The following PKNOX2 variants were observed in gnomAD, a reference collection of about 807,000 sequenced individuals.
PKNOX2 encodes the protein homeobox protein PKNOX2.
PKNOX2 carries 14 observed loss-of-function variants against 53.1 expected under a neutral mutation model. The ratio of observed to expected loss-of-function variants is 0.26; its 90% CI spans 0.17 to 0.41. The LOEUF (loss-of-function observed/expected upper bound fraction) is 0.41, where lower values mean the gene tolerates loss of function less well. Ranked by LOEUF, PKNOX2 falls within the 10% of genes least tolerant of loss-of-function variation. PKNOX2 has a pLI of 1.00. For synonymous variants in PKNOX2, 257 were observed against 242.8 expected (o/e 1.06, Z -0.54); for missense variants, 496 against 602.8 (o/e 0.82, Z 1.85).
chr11:125,333,510 CT>C (rs1372212919), intron 3 of PKNOX2, among the ~76,000 whole-genome samples: 1 of 151,808 alleles, frequency 6.6e-6, no homozygotes, highest in Admixed American at 6.6e-5. Context: ...AATATCACCC[CT>C]GACCTTTGCC....
intron 5 of PKNOX2, among the ~76,000 whole-genome samples, chr11:125,381,808 C>G (rs1316637325): frequency 6.6e-6 from 1 of 152,242 alleles, no homozygotes; most frequent in African/African-American, 2.4e-5. Context: ...TCATTCCTGT[C>G]TCAAATGCTT....
chr11:125,189,445 GTGTATA>G (rs1306758620), intron 1 of PKNOX2, among the ~76,000 whole-genome samples: 59 of 50,564 alleles, frequency 1.2e-3, no homozygotes, highest in South Asian at 3.5e-3. Context: ...GTGTGTGTGT[GTGTATA>G]TATATATATA....
At chr11:125,382,149 T>G (rs1294118736) in intron 5 of PKNOX2, among the ~76,000 whole-genome samples, 1 of 152,246 alleles carries the variant, frequency 6.6e-6, no homozygotes, top group Non-Finnish European at 1.5e-5. Context: ...ATGCACACTG[T>G]GCTCACAGCA....
At chr11:125,397,538 A>C (rs1015669848) in intron 6 of PKNOX2, among the ~76,000 whole-genome samples, 2 of 152,236 alleles carry the variant, frequency 1.3e-5, no homozygotes, top group African/African-American at 4.8e-5. Context: ...AAGCTCACAC[A>C]GATAGTAAAT....
At chr11:125,226,195 T>C (rs1468552033) in intron 1 of PKNOX2, among the ~76,000 whole-genome samples, 1 of 152,250 alleles carries the variant, frequency 6.6e-6, no homozygotes, top group Non-Finnish European at 1.5e-5. Context: ...TCTGGATTTA[T>C]TTGACCCCTC....
At chr11:125,363,431 T>C (rs538322375) in intron 4 of PKNOX2, among the ~76,000 whole-genome samples, 1 of 152,366 alleles carries the variant, frequency 6.6e-6, no homozygotes, top group East Asian at 1.9e-4. Context: ...ACGTAGCTAA[T>C]AATTGGCAGA....
chr11:125,249,225 C>CATACTGATTTAAATGG (rs1165628561), intron 2 of PKNOX2, among the ~76,000 whole-genome samples: 1 of 151,752 alleles, frequency 6.6e-6, no homozygotes, highest in African/African-American at 2.4e-5. Context: ...TGGCTGGACT[C>CATACTGATTTAAATGG]ATACTGATTT....
At chr11:125,280,154 G>A (rs1460847973) in intron 2 of PKNOX2, among the ~76,000 whole-genome samples, 3 of 147,992 alleles carry the variant, frequency 2.0e-5, no homozygotes, top group Admixed American at 1.4e-4. Context: ...CTGAAATGGC[G>A]ACTCTGTTTT....
At chr11:125,310,066 TA>T (rs1467330277) in intron 2 of PKNOX2, among the ~76,000 whole-genome samples, 1 of 152,220 alleles carries the variant, frequency 6.6e-6, no homozygotes, top group African/African-American at 2.4e-5. Context: ...GAAATCAAGA[TA>T]TTTTTCAGAA....
chr11:125,381,861 G>A (rs781287531), intron 5 of PKNOX2, among the ~76,000 whole-genome samples: 1 of 152,160 alleles, frequency 6.6e-6, no homozygotes, highest in Non-Finnish European at 1.5e-5. Flanking sequence ...AGCTCCTTGC[G>A]TGACTACGTC....
At chr11:125,405,920 G>T (rs1021109958) in intron 7 of PKNOX2, among the ~76,000 whole-genome samples, 1 of 152,182 alleles carries the variant, frequency 6.6e-6, no homozygotes, top group African/African-American at 2.4e-5. Flanking sequence ...GGAACAAAAC[G>T]AACAGAATTC....
intron 2 of PKNOX2, among the ~76,000 whole-genome samples, chr11:125,314,109 G>T (rs1050470122): frequency 3.3e-5 from 5 of 152,218 alleles, no homozygotes; most frequent in African/African-American, 1.2e-4. Flanking sequence ...CAGGGCTGCG[G>T]AGCCCTGTGG....
intron 2 of PKNOX2, among the ~76,000 whole-genome samples, chr11:125,245,311 T>C (rs1943476913): frequency 6.6e-6 from 1 of 152,224 alleles, no homozygotes; most frequent in Non-Finnish European, 1.5e-5. Context: ...TGCCAAGTGC[T>C]TCACATGCAC....
At chr11:125,355,502 G>C (rs747910310) in intron 4 of PKNOX2, among the ~76,000 whole-genome samples, 30 of 152,114 alleles carry the variant, frequency 2.0e-4, no homozygotes, top group Non-Finnish European at 3.8e-4. Flanking sequence ...AGTCACTGGG[G>C]TAGTGGAATT....
chr11:125,268,036 C>T (rs1945494560), intron 2 of PKNOX2, among the ~76,000 whole-genome samples: 1 of 152,190 alleles, frequency 6.6e-6, no homozygotes, highest in Non-Finnish European at 1.5e-5. Context: ...TTTGAGAAAA[C>T]TTTGCCAACA....
Position 125,429,038 on chromosome 11 carries a change from G to T in PKNOX2, c.963G>T (p.Lys321Asn). The T allele has an allele frequency of 6.2e-7, 1 of 1,613,964 alleles. No homozygotes were observed. The highest frequency in any genetic ancestry group is 8.5e-7 in the Non-Finnish European group (1 of 1,179,808). Residue 321 changes from lysine to asparagine, a missense_variant, in exon 11 of 13, where the codon AAG becomes AAT. Lys to Asn is a moderately conservative substitution (Grantham distance 94). Transcript: ENST00000298282. ...LMHPYPTEDEKRQIAAQTNLT... is the reference protein window; with the variant it reads ...LMHPYPTEDENRQIAAQTNLT... Reference sequence around the variant, plus strand: ...ACCCCTACCCCACGGAGGATGAGAAGAGGCAGATCGCAGCCCAGACCAACC... The same window carrying T: ...ACCCCTACCCCACGGAGGATGAGAATAGGCAGATCGCAGCCCAGACCAACC...
chr11:125,261,136 G>A (rs1385441405), intron 2 of PKNOX2, among the ~76,000 whole-genome samples: 1 of 152,186 alleles, frequency 6.6e-6, no homozygotes, highest in African/African-American at 2.4e-5. Flanking sequence ...GTTCCAAAGC[G>A]ATTTGGATCG....
At chr11:125,430,659 G>A (rs572901924) in intron 12 of PKNOX2, among the ~76,000 whole-genome samples, 30 of 152,206 alleles carry the variant, frequency 2.0e-4, no homozygotes, top group African/African-American at 4.3e-4. Flanking sequence ...GGAGTGGAGC[G>A]TAGGTGTGCG....
chr11:125,216,723 G>A (rs1940544807), intron 1 of PKNOX2, among the ~76,000 whole-genome samples: 1 of 152,070 alleles, frequency 6.6e-6, no homozygotes, highest in Non-Finnish European at 1.5e-5. Flanking sequence ...ATTTCCGAAG[G>A]TGCTTCCTCC....
Sources: gnomAD v4.1 joint callset for allele counts (sites outside exome capture counted in the v4.1 genomes callset) on GRCh38, gnomAD v4.1.1 for gene constraint, MANE v1.5 for transcripts, NCBI Gene and HGNC (gene_info 2026-07-23, HGNC 2026-07-21) for gene names.